CASK: variants seen among roughly 807,000 people sequenced by gnomAD.
CASK encodes calcium/calmodulin dependent serine protein kinase, also known as peripheral plasma membrane protein CASK.
Under a neutral mutation model 82.9 loss-of-function variants are expected in CASK, and 4 were observed. That is an observed-to-expected ratio of 0.05 (90% CI 0.02 to 0.11). The LOEUF is 0.11. CASK is among the 10% of genes least tolerant of loss of function. CASK has a pLI of 1.00. For synonymous variants in CASK, 259 were observed against 253.5 expected (o/e 1.02, Z -0.20); for missense variants, 358 against 720.9 (o/e 0.50, Z 5.76).
intron 2 of CASK, among the ~76,000 whole-genome samples, chrX:41,823,323 C>G (rs985753854): frequency 9.2e-6 from 1 of 108,130 alleles, no homozygotes; most frequent in African/African-American, 3.4e-5. Flanking sequence ...ATCAGTGCAC[C>G]CTTTTCTTTC....
At chrX:41,795,652 T>A (rs985348605) in intron 2 of CASK, among the ~76,000 whole-genome samples, 5 of 109,678 alleles carry the variant, frequency 4.6e-5, no homozygotes, top group African/African-American at 6.7e-5. Flanking sequence ...GGAGACAGAG[T>A]GAGATCCTGT....
At chrX:41,523,855 C>G (rs1205917050) in intron 26 of CASK, 96 bp downstream of exon 26, 1 of 651,764 alleles carries the variant, frequency 1.5e-6, no homozygotes, top group East Asian at 3.5e-5. Context: ...ATCAGAGCAG[C>G]CTTGCTGCAA....
In CASK at chrX:41,600,044, G is replaced by C. The variant is rs535206586; in HGVS notation, c.1155+9860C>G. ...CATTTCCTAGCTTGGCTCTTCTTAA[G>C]CAACTACAAGAGTTAAATGATATTT... On this transcript the variant is annotated intron_variant, in intron 12 of 26. Transcript: ENST00000378163. Among the ~76,000 whole-genome samples the C allele has an allele frequency of 1.9e-4, 21 of 111,270 alleles. No homozygotes were observed. In the South Asian group the frequency reaches 4.8e-3, roughly 26 times the overall value.
intron 3 of CASK, among the ~76,000 whole-genome samples, chrX:41,785,330 C>T (rs1201452439): frequency 8.9e-6 from 1 of 111,923 alleles, no homozygotes; most frequent in Non-Finnish European, 1.9e-5. Context: ...AGCAGGTTTG[C>T]CAGAAAAGAT....
chrX:41,530,111 G>T (rs189858493), intron 25 of CASK, among the ~76,000 whole-genome samples: 1 of 111,356 alleles, frequency 9.0e-6, no homozygotes, highest in South Asian at 3.8e-4. Flanking sequence ...ATTTCTAAGG[G>T]TTAAAGGAGA....
intron 8 of CASK, among the ~76,000 whole-genome samples, chrX:41,642,343 C>T (rs1226792311): frequency 8.9e-6 from 1 of 112,052 alleles, no homozygotes; most frequent in Non-Finnish European, 1.9e-5. Flanking sequence ...AATGGTTGAA[C>T]TAGTTTACAG....
At chrX:41,656,427 A>G (rs1325384382) in intron 8 of CASK, among the ~76,000 whole-genome samples, 2 of 111,933 alleles carry the variant, frequency 1.8e-5, no homozygotes, top group Non-Finnish European at 3.8e-5. Flanking sequence ...AGAATACCAT[A>G]AAAAAGCCAG....
At chrX:41,583,773 G>A (rs1046463749) in intron 14 of CASK, among the ~76,000 whole-genome samples, 3 of 109,808 alleles carry the variant, frequency 2.7e-5, no homozygotes, top group East Asian at 2.9e-4. Flanking sequence ...ACAGGGTCTC[G>A]CTCTGTTGCC....
intron 17 of CASK, 47 bp from the exon 18 acceptor site, chrX:41,559,894 A>G (rs374362272): frequency 5.5e-6 from 6 of 1,096,625 alleles, no homozygotes; most frequent in African/African-American, 3.6e-5. Context: ...CTTACAAACA[A>G]TTGTTCACAA....
chrX:41,601,656 C>T (rs1456206696), intron 12 of CASK, among the ~76,000 whole-genome samples: 1 of 111,595 alleles, frequency 9.0e-6, no homozygotes, highest in Non-Finnish European at 1.9e-5. Context: ...CTCAATCCAG[C>T]TTAAGAACAT....
intron 3 of CASK, among the ~76,000 whole-genome samples, chrX:41,783,548 CA>C (rs1181405339): frequency 4.2e-3 from 214 of 51,021 alleles, no homozygotes; most frequent in African/African-American, 7.6e-3. Context: ...GACTCTGTCT[CA>C]AAAAAAAAAA....
chrX:41,645,376 C>G (rs953362266), intron 8 of CASK, among the ~76,000 whole-genome samples: 3 of 111,269 alleles, frequency 2.7e-5, no homozygotes, highest in Non-Finnish European at 5.7e-5. Context: ...GGAAAAACTC[C>G]CAAACCAATA....
In CASK at chrX:41,740,470, T is replaced by TAA. The variant is rs569748329; in HGVS notation, c.357-1016_357-1015dup. ...TGAACATGTGTATGTGACTCAGGAC[T>TAA]AAAAAAAAAAAAAAAATCCCTATCC... is the stretch of plus-strand genomic sequence containing the variant. On this transcript the variant is annotated intron_variant, in intron 4 of 26. Transcript: ENST00000378163. 1.3e-3 allele frequency among the ~76,000 whole-genome samples: 118 copies of TAA among 94,152 alleles called. 1 individual carries two copies. Among genetic ancestry groups the TAA allele is most frequent in the Non-Finnish European group, 1.8e-3 (85 of 46,620 alleles). The allele number at this position is 94,152 out of a possible 115,157, so 81.8% of individuals were successfully genotyped here.
At chrX:41,837,886 C>A (rs2070957804) in intron 2 of CASK, among the ~76,000 whole-genome samples, 1 of 112,058 alleles carries the variant, frequency 8.9e-6, no homozygotes, top group African/African-American at 3.2e-5. Flanking sequence ...GGTTGTATGG[C>A]AAATGTATGT....
Position 41,857,347 on chromosome X carries a change from G to A in CASK, c.60-4120C>T, listed in dbSNP as rs193270552. The stretch of plus-strand genomic sequence containing the variant: ...ATTGCCAAATATCCTCCTGGGGTAC[G>A]GAAGGTTCAAATTGCCCCCAGTTGA... On this transcript the variant is annotated intron_variant, in intron 1 of 26. Coordinates refer to ENST00000378163, the MANE Select transcript of CASK (RefSeq NM_001367721.1). Among the ~76,000 whole-genome samples the A allele has an allele frequency of 1.3e-4, 14 of 110,597 alleles. No homozygotes were observed. In the East Asian group the frequency reaches 2.0e-3, roughly 16 times the overall value.
At chrX:41,627,318 G>T (rs1457044763) in intron 9 of CASK, among the ~76,000 whole-genome samples, 1 of 111,868 alleles carries the variant, frequency 8.9e-6, no homozygotes. Context: ...ATTCCTAGTT[G>T]GAAATCACTG....
intron 2 of CASK, chrX:41,790,265 C>A: frequency 1.2e-6 from 1 of 815,314 alleles, no homozygotes; most frequent in Non-Finnish European, 1.6e-6. Context: ...TGGGGTTTTA[C>A]CGTGTTGGCC....
chrX:41,582,829 C>CCTGA (rs201124388), intron 14 of CASK, among the ~76,000 whole-genome samples: 2,693 of 111,739 alleles, frequency 0.024, 89 homozygotes, highest in African/African-American at 0.083. Context: ...GGGGCTTTCC[C>CCTGA]CTATCTAAAG....
At chrX:41,727,673 T>A in intron 5 of CASK, 2 of 1,202,164 alleles carry the variant, frequency 1.7e-6, no homozygotes. Flanking sequence ...TCCTTTTTAG[T>A]AGTACTAACA....
Sources: allele counts gnomAD v4.1 joint callset (sites outside exome capture counted in the v4.1 genomes callset), GRCh38; gene constraint gnomAD v4.1.1; transcripts MANE v1.5; gene names NCBI Gene and HGNC (gene_info 2026-07-23, HGNC 2026-07-21).